The following FHOD3 variants were observed in gnomAD, a reference collection of about 807,000 sequenced individuals.
FHOD3 encodes FH1/FH2 domain-containing protein 3.
A neutral mutation model predicts 173.0 loss-of-function variants in FHOD3; 90 were observed. The ratio of observed to expected loss-of-function variants is 0.52; its 90% confidence interval spans 0.44 to 0.62. The LOEUF (loss-of-function observed/expected upper bound fraction) is 0.62, where lower values mean the gene tolerates loss of function less well. Ranked by LOEUF, FHOD3 falls within the 20% of genes least tolerant of loss-of-function variation. The pLI is 0.00. For synonymous variants in FHOD3, 828 were observed against 823.0 expected (o/e 1.01, Z -0.10); for missense variants, 1,945 against 2,034.7 (o/e 0.96, Z 0.85).
chr18:36,371,578 C>T (rs1555683591), intron 2 of FHOD3, among the ~76,000 whole-genome samples: 1 of 152,192 alleles, frequency 6.6e-6, no homozygotes, highest in Non-Finnish European at 1.5e-5. Flanking sequence ...TGGGTGGAGA[C>T]ACAACCAAAT....
At chr18:36,733,256 C>T (rs1394976548) in intron 20 of FHOD3, among the ~76,000 whole-genome samples, 1 of 152,158 alleles carries the variant, frequency 6.6e-6, no homozygotes, top group Non-Finnish European at 1.5e-5. Context: ...AGAAGGTTTG[C>T]TTCTCTTTTC....
chr18:36,450,071 G>A (rs61243389), intron 3 of FHOD3, among the ~76,000 whole-genome samples: 18,719 of 151,912 alleles, frequency 0.12, 1,417 homozygotes, highest in East Asian at 0.29. Flanking sequence ...CCCTCACCCC[G>A]CTCCCACCCT....
chr18:36,584,706 T>A (rs1354069420), intron 6 of FHOD3, among the ~76,000 whole-genome samples: 1 of 152,184 alleles, frequency 6.6e-6, no homozygotes, highest in African/African-American at 2.4e-5. Context: ...ATCGGGAGGC[T>A]GAGACAGGAA....
At chr18:36,625,774 A>AG in intron 10 of FHOD3, 25 bp downstream of exon 10, 1 of 1,566,188 alleles carries the variant, frequency 6.4e-7, no homozygotes, top group African/African-American at 1.4e-5. Context: ...GGCAGTGGAG[A>AG]GGGGTGCAAG....
At chr18:36,721,728 C>T (rs951661093) in intron 19 of FHOD3, among the ~76,000 whole-genome samples, 1 of 152,186 alleles carries the variant, frequency 6.6e-6, no homozygotes, top group Admixed American at 6.5e-5. Context: ...TAGATATAAC[C>T]AATTTCATTT....
intron 3 of FHOD3, among the ~76,000 whole-genome samples, chr18:36,475,860 A>G (rs2053546651): frequency 6.6e-6 from 1 of 151,866 alleles, no homozygotes; most frequent in African/African-American, 2.4e-5. Context: ...TCACAGTGCG[A>G]ATGAATTGCT....
At chr18:36,636,374 T>C (rs533850367) in intron 10 of FHOD3, among the ~76,000 whole-genome samples, 2 of 152,302 alleles carry the variant, frequency 1.3e-5, no homozygotes, top group South Asian at 4.1e-4. Flanking sequence ...TTATTTTTTC[T>C]TGATAAGAGC....
chr18:36,487,899 C>T (rs1241348762), intron 3 of FHOD3, among the ~76,000 whole-genome samples: 2 of 152,126 alleles, frequency 1.3e-5, no homozygotes, highest in South Asian at 2.1e-4. Context: ...ACAGCTTGTC[C>T]GTTTAATGTG....
intron 20 of FHOD3, among the ~76,000 whole-genome samples, chr18:36,737,732 G>A (rs1320850946): frequency 6.6e-6 from 1 of 152,156 alleles, no homozygotes; most frequent in Non-Finnish European, 1.5e-5. Flanking sequence ...TCAAGCCCAG[G>A]ACCTCATCTA....
chr18:36,471,468 C>T (rs1440820327), intron 3 of FHOD3, among the ~76,000 whole-genome samples: 2 of 152,154 alleles, frequency 1.3e-5, no homozygotes, highest in Non-Finnish European at 2.9e-5. Flanking sequence ...AAGTGGTTGT[C>T]GATCGACTGC....
chr18:36,617,610 T>TGTGTGTGTGTGCGC (rs34321745), intron 9 of FHOD3, among the ~76,000 whole-genome samples: 70 of 146,122 alleles, frequency 4.8e-4, no homozygotes, highest in African/African-American at 1.6e-3. Context: ...TGTGTGTGTG[T>TGTGTGTGTGTGCGC]GTGTGTGTGC....
At chr18:36,480,529 A>G (rs986271745) in intron 3 of FHOD3, among the ~76,000 whole-genome samples, 8 of 152,194 alleles carry the variant, frequency 5.3e-5, no homozygotes, top group South Asian at 2.1e-4. Flanking sequence ...GACATTGACA[A>G]ATATTTTAGT....
chr18:36,616,516 A>G (rs936185979), intron 9 of FHOD3, among the ~76,000 whole-genome samples: 3 of 152,224 alleles, frequency 2.0e-5, no homozygotes, highest in Non-Finnish European at 4.4e-5. Flanking sequence ...AAGAAATTAT[A>G]CTGTGTTCAC....
chr18:36,720,990 A>G (rs1453270474), intron 19 of FHOD3, among the ~76,000 whole-genome samples: 2 of 152,118 alleles, frequency 1.3e-5, no homozygotes, highest in Admixed American at 1.3e-4. Context: ...AGAAGGCCCA[A>G]AATTAATGCT....
At chr18:36,481,883 T>C (rs2053920382) in intron 3 of FHOD3, among the ~76,000 whole-genome samples, 1 of 152,234 alleles carries the variant, frequency 6.6e-6, no homozygotes, top group African/African-American at 2.4e-5. Flanking sequence ...GCTGTTAATC[T>C]AGTTGAAAGT....
intron 14 of FHOD3, among the ~76,000 whole-genome samples, chr18:36,663,513 A>G (rs1568570296): frequency 6.6e-6 from 1 of 152,202 alleles, no homozygotes; most frequent in East Asian, 1.9e-4. Flanking sequence ...TTATTGCATC[A>G]TCTGCTTTTA....
At chr18:36,545,112 C>G (rs1599591709) in intron 5 of FHOD3, among the ~76,000 whole-genome samples, 1 of 152,270 alleles carries the variant, frequency 6.6e-6, no homozygotes, top group East Asian at 1.9e-4. Context: ...CCCTCCCTCT[C>G]CTTCTTTATC....
At chr18:36,366,288 C>G (rs1388633397) in intron 2 of FHOD3, among the ~76,000 whole-genome samples, 1 of 151,964 alleles carries the variant, frequency 6.6e-6, no homozygotes, top group Non-Finnish European at 1.5e-5. Context: ...TGAGAAGAGG[C>G]AGACAAAAAT....
chr18:36,639,991 G>A (rs1012686054), intron 10 of FHOD3, among the ~76,000 whole-genome samples: 1 of 152,028 alleles, frequency 6.6e-6, no homozygotes, highest in African/African-American at 2.4e-5. Flanking sequence ...ATTCCATTAT[G>A]TTAAATTACT....
Sources: gnomAD v4.1 joint callset for allele counts (sites outside exome capture counted in the v4.1 genomes callset) on GRCh38, gnomAD v4.1.1 for gene constraint, MANE v1.5 for transcripts, NCBI Gene and HGNC (gene_info 2026-07-23, HGNC 2026-07-21) for gene names.